Variants in RBFOX2 observed in about 807,000 individuals in gnomAD.
RBFOX2 encodes RNA binding protein fox-1 homolog 2.
In RBFOX2, 10 loss-of-function variants were observed where a neutral mutation model predicts 49.1. The observed-to-expected ratio is 0.20, with a 90% CI of 0.13 to 0.35. The LOEUF (loss-of-function observed/expected upper bound fraction) is 0.35. Ranked by LOEUF, RBFOX2 falls within the 10% of genes least tolerant of loss-of-function variation. The pLI, the probability that RBFOX2 is intolerant of heterozygous loss-of-function variation, is 1.00. For missense variants in RBFOX2, 323 were observed against 486.9 expected (o/e 0.66, Z 3.17); for synonymous variants, 183 against 187.4 (o/e 0.98, Z 0.19).
At chr22:35,909,550 A>C (rs964016114) in intron 1 of RBFOX2, among the ~76,000 whole-genome samples, 2 of 152,246 alleles carry the variant, frequency 1.3e-5, no homozygotes, top group African/African-American at 4.8e-5. Flanking sequence ...AAAGAAAAAT[A>C]CTAAATACAA....
chr22:35,763,933 G>A (rs148523639), intron 6 of RBFOX2, among the ~76,000 whole-genome samples: 2 of 152,318 alleles, frequency 1.3e-5, no homozygotes, highest in East Asian at 3.9e-4. Context: ...CTGAATTCCA[G>A]TCAGAGGCTC....
At chr22:35,902,262 C>T (rs1228759975) in intron 1 of RBFOX2, among the ~76,000 whole-genome samples, 2 of 152,066 alleles carry the variant, frequency 1.3e-5, no homozygotes, top group South Asian at 2.1e-4. Flanking sequence ...CTACCCACTC[C>T]GGTTCTGCAC....
At chr22:36,018,194 C>T (rs73415776) in intron 1 of RBFOX2, among the ~76,000 whole-genome samples, 2 of 152,256 alleles carry the variant, frequency 1.3e-5, no homozygotes, top group African/African-American at 2.4e-5. Flanking sequence ...TCTGGGTAAG[C>T]GTGGTGGGGC....
chr22:35,769,327 T>G (rs1941983318), intron 4 of RBFOX2, among the ~76,000 whole-genome samples: 1 of 152,172 alleles, frequency 6.6e-6, no homozygotes, highest in African/African-American at 2.4e-5. Flanking sequence ...ATTTGTTTGT[T>G]CCTTGCAAGA....
At chr22:36,001,795 G>A (rs1569521543) in intron 1 of RBFOX2, among the ~76,000 whole-genome samples, 2 of 151,954 alleles carry the variant, frequency 1.3e-5, no homozygotes, top group East Asian at 3.9e-4. Flanking sequence ...CAGACGTGGT[G>A]GCTCACGCCT....
At chr22:35,770,958 A>T (rs1451159044) in intron 4 of RBFOX2, among the ~76,000 whole-genome samples, 1 of 152,222 alleles carries the variant, frequency 6.6e-6, no homozygotes, top group Non-Finnish European at 1.5e-5. Context: ...CTTTATAAGC[A>T]TCTTTTCCCT....
intron 1 of RBFOX2, among the ~76,000 whole-genome samples, chr22:35,817,092 C>T (rs1466018478): frequency 6.6e-6 from 1 of 151,992 alleles, no homozygotes; most frequent in East Asian, 1.9e-4. Context: ...CTTTGGCTGG[C>T]AAAATGGGAG....
At chr22:35,794,884 T>A (rs144812162) in intron 2 of RBFOX2, among the ~76,000 whole-genome samples, 1 of 152,250 alleles carries the variant, frequency 6.6e-6, no homozygotes, top group East Asian at 1.9e-4. Context: ...TAGTTTCCCT[T>A]GGGCATTAGG....
intron 2 of RBFOX2, among the ~76,000 whole-genome samples, chr22:35,789,144 A>T (rs1947052447): frequency 6.6e-6 from 1 of 152,082 alleles, no homozygotes; most frequent in Non-Finnish European, 1.5e-5. Flanking sequence ...GAGATCTGAG[A>T]CAGTGATATT....
chr22:35,750,673 G>T (rs946262902), intron 9 of RBFOX2, among the ~76,000 whole-genome samples: 1 of 152,170 alleles, frequency 6.6e-6, no homozygotes, highest in Non-Finnish European at 1.5e-5. Flanking sequence ...TCCCCAGTGG[G>T]GCTGCCCAGT....
intron 1 of RBFOX2, among the ~76,000 whole-genome samples, chr22:35,989,132 T>C (rs2057853024): frequency 6.6e-6 from 1 of 152,240 alleles, no homozygotes. Context: ...ACAGACATCC[T>C]AAGTGCAGGA....
At chr22:35,871,428 G>T (rs1332757337) in intron 1 of RBFOX2, among the ~76,000 whole-genome samples, 1 of 152,146 alleles carries the variant, frequency 6.6e-6, no homozygotes, top group Non-Finnish European at 1.5e-5. Flanking sequence ...GGAAATACAG[G>T]GAAATGGTGA....
intron 1 of RBFOX2, among the ~76,000 whole-genome samples, chr22:35,823,872 G>A (rs796745548): frequency 7.9e-5 from 12 of 152,310 alleles, no homozygotes; most frequent in African/African-American, 2.4e-4. Context: ...ATATGTGGCC[G>A]GATGCAGTGG....
Position 35,911,202 on chromosome 22 carries a change from A to G in RBFOX2, c.-34+27645T>C, listed in dbSNP as rs568036656. Among the ~76,000 whole-genome samples, 3 of 152,256 alleles carry G rather than the reference A, an allele frequency of 2.0e-5. No individual in the cohort carries two copies. The East Asian group carries it at 5.8e-4, about 29-fold the overall frequency. The stretch of plus-strand genomic sequence containing the variant: ...ACATTTATCTTTATCTCCCCCAGGT[A>G]CTTAAGTTAAGCTACTATGGGTTGG... On this transcript the variant is annotated intron_variant, in intron 1 of 13. Transcript: ENST00000359369.
At position 35,856,625 on chromosome 22, in the gene RBFOX2, A is replaced by AG. The variant is rs748862932; in HGVS notation, c.-33-46622dup. On this transcript the variant is annotated intron_variant, in intron 1 of 13. Transcript: ENST00000359369. ...AGATAGGTCAGTTCTAGAGGCCAGG[A>AG]GGGGAAAAAAAAAAAAAAAGAGCAA... Among the ~76,000 whole-genome samples, 6 of 144,730 alleles carry AG rather than the reference A, an allele frequency of 4.1e-5. 1 individual carries two copies. In the South Asian group the frequency reaches 8.8e-4, roughly 21 times the overall value. 94.9% of individuals were successfully genotyped at this position (144,730 alleles called of 152,430 possible). A position where few individuals can be genotyped will look rare whatever the true frequency, so the allele number is the denominator to read the frequency against.
intron 5 of RBFOX2, among the ~76,000 whole-genome samples, chr22:35,767,905 C>T (rs1418242889): frequency 6.6e-6 from 1 of 151,910 alleles, no homozygotes; most frequent in Non-Finnish European, 1.5e-5. Context: ...TTTGCTTAGG[C>T]CTGATCACAG....
chr22:35,763,222 C>A (rs1027195024), intron 6 of RBFOX2, among the ~76,000 whole-genome samples: 1 of 152,098 alleles, frequency 6.6e-6, no homozygotes, highest in Non-Finnish European at 1.5e-5. Context: ...AAAAAATAAC[C>A]TTTTTCTTTC....
At chr22:35,857,949 A>C (rs556518139) in intron 1 of RBFOX2, among the ~76,000 whole-genome samples, 1 of 152,376 alleles carries the variant, frequency 6.6e-6, no homozygotes, top group South Asian at 2.1e-4. Flanking sequence ...GGTATTTCAT[A>C]AATTGATATC....
At chr22:36,002,710 G>C (rs2058475208) in intron 1 of RBFOX2, among the ~76,000 whole-genome samples, 1 of 152,256 alleles carries the variant, frequency 6.6e-6, no homozygotes, top group Non-Finnish European at 1.5e-5. Flanking sequence ...AGCAACCTCT[G>C]CCTCCCAGGT....
Sources: gnomAD v4.1 joint callset for allele counts (sites outside exome capture counted in the v4.1 genomes callset) on GRCh38, gnomAD v4.1.1 for gene constraint, MANE v1.5 for transcripts, NCBI Gene and HGNC (gene_info 2026-07-23, HGNC 2026-07-21) for gene names.